CALB1: variants seen among roughly 807,000 people sequenced by gnomAD.
The protein encoded by CALB1 is calbindin.
CALB1 carries 16 observed loss-of-function variants against 46.7 expected under a neutral mutation model. The observed-to-expected ratio is 0.34, with a 90% CI of 0.23 to 0.52. The LOEUF (loss-of-function observed/expected upper bound fraction) is 0.52, where lower values mean the gene tolerates loss of function less well. Among genes scored for constraint, CALB1 ranks in the 20% least tolerant of loss-of-function variants. The probability of loss-of-function intolerance (pLI) is 0.95; values close to 1 mark genes in which losing one functional copy is unlikely to be tolerated. For synonymous variants in CALB1, 90 were observed against 112.8 expected (o/e 0.80, Z 1.28); for missense variants, 224 against 300.3 (o/e 0.75, Z 1.88).
chr8:90,066,192 C>A (rs1195052191), intron 5 of CALB1, among the ~76,000 whole-genome samples: 1 of 151,942 alleles, frequency 6.6e-6, no homozygotes, highest in Non-Finnish European at 1.5e-5. Context: ...AGGAATAATA[C>A]CTGCTTTTTA....
chr8:90,069,567 T>C (rs1280195336), intron 3 of CALB1, among the ~76,000 whole-genome samples: 5 of 152,184 alleles, frequency 3.3e-5, no homozygotes, highest in African/African-American at 1.2e-4. Flanking sequence ...TCAAGTGTTC[T>C]ATGCCACAGA....
chr8:90,065,997 A>C lies in CALB1; in HGVS notation c.373-22T>G, dbSNP rs760305753. ...AGTTCTGTTAAAACAAAGAACACTT[A>C]GATTAATTTCATTAATAATATATCG... On this transcript the variant is annotated intron_variant, in intron 5 of 10. Transcript: ENST00000265431. 107 of 1,457,474 alleles carry C rather than the reference A, an allele frequency of 7.3e-5. 1 individual carries two copies. The highest frequency in any genetic ancestry group is 1.0e-4 in the Non-Finnish European group (104 of 1,039,218). The allele number at this position is 1,457,474 out of a possible 1,614,324, so 90.3% of individuals were successfully genotyped here. A position where few individuals can be genotyped will look rare whatever the true frequency, so the allele number is the denominator to read the frequency against.
chr8:90,082,080 C>T lies in CALB1; in HGVS notation c.102G>A (p.Lys34=). 1.9e-6 allele frequency: 3 copies of T among 1,614,066 alleles called. No homozygotes were observed. Among genetic ancestry groups the T allele is most frequent in the Non-Finnish European group, 2.5e-6 (3 of 1,179,966 alleles). ...GCTCCTGGATCAAGTTCTGCAGCTC[C>T]TTTCCTTCCAGGTAACCACTTCCTG... The part of the protein sequence containing the change: ...DADGSGYLEG[K]ELQNLIQELQ... Residue 34 remains lysine, a synonymous_variant, in exon 2 of 11, where the codon AAG becomes AAA. Transcript: ENST00000265431.
At chr8:90,077,232 C>T (rs528053773) in intron 3 of CALB1, among the ~76,000 whole-genome samples, 13 of 151,938 alleles carry the variant, frequency 8.6e-5, no homozygotes, top group East Asian at 5.8e-4. Context: ...GAGTTACACA[C>T]GGGTAAAGGG....
In CALB1 at chr8:90,082,626, G is replaced by T. The variant is rs567449472; in HGVS notation, c.72C>A (p.Asp24Glu). 2.5e-6 allele frequency: 4 copies of T among 1,613,272 alleles called. No individual in the cohort carries two copies. The South Asian group carries it at 3.3e-5, about 13-fold the overall frequency. Residue 24 changes from aspartate (D) to glutamate (E), a missense_variant, in exon 1 of 11, where the codon GAC (aspartate) becomes GAA (glutamate). Coordinates refer to ENST00000265431, the MANE Select transcript of CALB1 (RefSeq NM_004929.4). ...SQFFEIWLHF[D>E]ADGSGYLEGK... ...AAAAGAGAAGATAATCACCGTCAGC[G>T]TCGAAATGGAGCCAGATCTCGAAAA...
intron 3 of CALB1, among the ~76,000 whole-genome samples, chr8:90,072,008 C>T (rs1384094138): frequency 6.6e-6 from 1 of 152,104 alleles, no homozygotes; most frequent in Non-Finnish European, 1.5e-5. Flanking sequence ...GGTAATTTTA[C>T]TTTATTAAAA....
Position 90,082,705 on chromosome 8 carries a change from C to T in CALB1, c.-8G>A, listed in dbSNP as rs1814754762. The T allele has an allele frequency of 8.7e-6, 14 of 1,613,368 alleles. No homozygotes were observed. Among genetic ancestry groups the T allele is most frequent in the Non-Finnish European group, 1.2e-5 (14 of 1,179,398 alleles). ...CAGGTGGGATTCTGCCATTGTACAG[C>T]GGGGTGTGTGTCTGGGTGTGTGAAT... is the stretch of plus-strand genomic sequence containing the variant. On this transcript the variant is annotated 5_prime_UTR_variant, in exon 1 of 11. Transcript: ENST00000265431.
Position 90,082,122 on chromosome 8 carries a change from C to A in CALB1, c.80-20G>T, listed in dbSNP as rs1338087475. 2 of 1,602,468 alleles carry A rather than the reference C, an allele frequency of 1.2e-6. No individual in the cohort carries two copies. The highest frequency in any genetic ancestry group is 1.7e-6 in the Non-Finnish European group (2 of 1,170,534). ...CACTTCCTGCAAAGACAAAGAGGCA[C>A]CCAGGTGTCAGATATCTCATTCCAA... On this transcript the variant is annotated intron_variant, in intron 1 of 10. Transcript: ENST00000265431.
chr8:90,061,131 TG>T (rs1481910851), intron 9 of CALB1: 1 of 155,066 alleles, frequency 6.4e-6, no homozygotes, highest in Non-Finnish European at 1.4e-5. Context: ...TTTATTTTGC[TG>T]GATATTTTCA....
In CALB1 at chr8:90,059,322, G is replaced by A. The variant is rs1814253720; in HGVS notation, c.*851C>T. The A allele has an allele frequency of 6.6e-6, 1 of 152,468 alleles. No individual in the cohort carries two copies. The highest frequency in any genetic ancestry group is 2.4e-5 in the African/African-American group (1 of 41,400). The allele number at this position is 152,468 out of a possible 1,614,324, so 9.4% of individuals were successfully genotyped here. ...GGCAGCAGATACCCTTGGTGGAAATGAACAGTTCTACATAGAAAGAAAATC... is the reference window on the plus strand; with the variant it reads ...GGCAGCAGATACCCTTGGTGGAAATAAACAGTTCTACATAGAAAGAAAATC... On this transcript the variant is annotated 3_prime_UTR_variant, in exon 11 of 11. Transcript: ENST00000265431.
chr8:90,061,846 TA>T (rs1161560618), intron 9 of CALB1: 1 of 151,544 alleles, frequency 6.6e-6, no homozygotes, highest in South Asian at 2.1e-4. Context: ...TTTATAGAAA[TA>T]AAAAAACCCT....
chr8:90,077,316 A>G (rs1441977153), intron 3 of CALB1, among the ~76,000 whole-genome samples: 3 of 152,036 alleles, frequency 2.0e-5, no homozygotes, highest in Non-Finnish European at 4.4e-5. Context: ...CTCTATTTGT[A>G]TCAGCTGTTT....
At chr8:90,069,110 T>C in intron 4 of CALB1, 44 bp downstream of exon 4, 1 of 1,610,656 alleles carries the variant, frequency 6.2e-7, no homozygotes, top group Non-Finnish European at 8.5e-7. Flanking sequence ...AGGAACAATT[T>C]TCCTACTTTA....
intron 5 of CALB1, among the ~76,000 whole-genome samples, chr8:90,067,725 T>G (rs1314170192): frequency 1.3e-5 from 2 of 152,166 alleles, no homozygotes; most frequent in African/African-American, 4.8e-5. Context: ...AGAGCAGCTC[T>G]TAATAAATGA....
chr8:90,062,423 A>G (rs1814319885), intron 9 of CALB1: 1 of 151,988 alleles, frequency 6.6e-6, no homozygotes, highest in Non-Finnish European at 1.5e-5. Context: ...GGGAGAAAAT[A>G]TTTGTAAACC....
intron 3 of CALB1, among the ~76,000 whole-genome samples, chr8:90,073,036 A>G (rs1252699412): frequency 6.6e-6 from 1 of 152,138 alleles, no homozygotes; most frequent in Non-Finnish European, 1.5e-5. Flanking sequence ...CTCCCCTACT[A>G]GTCTACGTGC....
At position 90,059,876 on chromosome 8, in the gene CALB1, T is replaced by G. The variant is rs1267456072; in HGVS notation, c.*297A>C. The G allele has an allele frequency of 7.4e-6, 2 of 269,592 alleles. No homozygotes were observed. Among genetic ancestry groups the G allele is most frequent in the Non-Finnish European group, 1.4e-5 (2 of 143,530 alleles). 16.7% of individuals were successfully genotyped at this position (269,592 alleles called of 1,614,324 possible). A position where few individuals can be genotyped will look rare whatever the true frequency, so the allele number is the denominator to read the frequency against. On this transcript the variant is annotated 3_prime_UTR_variant, in exon 11 of 11. Transcript: ENST00000265431. ...ATTTTAGAGATTAATCCTGGTGGAATTTTTAGGGAAATCTTGTTCAACTAT... is the reference window on the plus strand; with the variant it reads ...ATTTTAGAGATTAATCCTGGTGGAAGTTTTAGGGAAATCTTGTTCAACTAT...
rs1197667515 is a variant in CALB1, at chr8:90,082,081, T to C, written c.101A>G (p.Lys34Arg). 2 of 1,613,992 alleles carry C rather than the reference T, an allele frequency of 1.2e-6. No individual in the cohort carries two copies. Among genetic ancestry groups the C allele is most frequent in the East Asian group, 4.5e-5 (2 of 44,880 alleles). ...CTCCTGGATCAAGTTCTGCAGCTCC[T>C]TTCCTTCCAGGTAACCACTTCCTGC... ...DADGSGYLEG[K>R]ELQNLIQELQ... is the part of the protein sequence containing the mutation. Residue 34 changes from lysine (K) to arginine (R), a missense_variant, in exon 2 of 11, where the codon AAG becomes AGG. By Grantham distance (26) the Lys-to-Arg change is conservative. Transcript: ENST00000265431.
chr8:90,070,848 G>GTA (rs1814500256), intron 3 of CALB1, among the ~76,000 whole-genome samples: 1 of 86,918 alleles, frequency 1.2e-5, no homozygotes, highest in Non-Finnish European at 2.6e-5. Context: ...GTGTGTGTGT[G>GTA]TGTGTGTGTG....
Sources: allele counts gnomAD v4.1 joint callset (sites outside exome capture counted in the v4.1 genomes callset), GRCh38; gene constraint gnomAD v4.1.1; transcripts MANE v1.5; gene names NCBI Gene and HGNC (gene_info 2026-07-23, HGNC 2026-07-21).